Variants in TMEM67 observed in about 807,000 individuals in gnomAD.
The protein encoded by TMEM67 is meckelin.
Under a neutral mutation model 136.6 loss-of-function variants are expected in TMEM67, and 124 were observed. That is an observed-to-expected ratio of 0.91 (90% CI 0.78 to 1.05). TMEM67 has a LOEUF of 1.05. TMEM67 is among the 50% of genes least tolerant of loss of function. The pLI is 0.00. For missense variants in TMEM67, 1,107 were observed against 1,178.4 expected, an observed-to-expected ratio of 0.94 and a Z score of 0.89; for synonymous variants, 364 against 390.5, an observed-to-expected ratio of 0.93 and a Z score of 0.80.
At chr8:93,825,824 T>C in the TMEM67 span, among the ~76,000 whole-genome samples, 1 of 152,222 alleles carries the variant, frequency 6.6e-6, no homozygotes. Flanking sequence ...AGAGGTTATC[T>C]CTCTTGGGGG....
intron 26 of TMEM67, among the ~76,000 whole-genome samples, chr8:93,814,135 C>CTTTTTTTTTT: frequency 1.6e-5 from 1 of 60,780 alleles, no homozygotes; most frequent in Non-Finnish European, 3.4e-5. Flanking sequence ...TATATGTATA[C>CTTTTTTTTTT]TTTTTTTTTT....
At chr8:93,804,117 G>A (rs1023892924) in intron 22 of TMEM67, among the ~76,000 whole-genome samples, 1 of 151,634 alleles carries the variant, frequency 6.6e-6, no homozygotes. Context: ...CTGACCTCAG[G>A]TGATCCAGCC....
the TMEM67 span, among the ~76,000 whole-genome samples, chr8:93,826,376 G>T: frequency 8.6e-5 from 13 of 151,880 alleles, no homozygotes; most frequent in Non-Finnish European, 1.5e-5. Context: ...TGATCCGCCC[G>T]CCTCGGCTTC....
rs1243123618 is a variant in TMEM67, at chr8:93,795,462, T to C, written c.1728T>C (p.Phe576=). 6.2e-7 allele frequency: 1 copy of C among 1,614,114 alleles called. No individual in the cohort carries two copies. Among genetic ancestry groups the C allele is most frequent in the East Asian group, 2.2e-5 (1 of 44,866 alleles). The change falls in exon 17 of 28, where the codon TTT becomes TTC. Residue 576 remains phenylalanine, a synonymous_variant. Transcript: ENST00000453321. ...CTGGTGATCTGGCCAATGTTTTCTTTATCATCACAGTGGGAACAGGTCTTT... is the reference window on the plus strand; with the variant it reads ...CTGGTGATCTGGCCAATGTTTTCTTCATCATCACAGTGGGAACAGGTCTTT... ...YYAGDLANVF[F]IITVGTGLYW...
intron 13 of TMEM67, among the ~76,000 whole-genome samples, chr8:93,787,447 T>A (rs1814164300): frequency 6.6e-6 from 1 of 152,344 alleles, no homozygotes; most frequent in Non-Finnish European, 1.5e-5. Context: ...CTTTCTCTTT[T>A]GAAAATCAAG....
At chr8:93,785,741 C>T in intron 12 of TMEM67, 1 of 208,716 alleles carries the variant, frequency 4.8e-6, no homozygotes, top group South Asian at 9.7e-5. Context: ...AGGTAATTTG[C>T]AGGGGAAAGC....
chr8:93,788,423 C>T (rs1047744789), intron 14 of TMEM67, among the ~76,000 whole-genome samples: 1 of 152,212 alleles, frequency 6.6e-6, no homozygotes, highest in East Asian at 1.9e-4. Flanking sequence ...ATTAGCCAGG[C>T]GTGGTGGCGC....
At position 93,793,293 on chromosome 8, in the gene TMEM67, A is replaced by G. The variant is rs375402551; in HGVS notation, c.1671A>G (p.Leu557=). 14 of 1,611,306 alleles carry G rather than the reference A, an allele frequency of 8.7e-6. No individual in the cohort carries two copies. The highest frequency in any genetic ancestry group is 1.1e-5 in the Non-Finnish European group (13 of 1,177,562). The stretch of plus-strand genomic sequence containing the variant: ...GCATTGGGAGTCCCATGATTGATTT[A>G]CAGGTATAATCTCAGGAGTTTTTTA... The part of the protein sequence containing the change: ...KRRIGSPMID[L]QTVVKFLVYY... Residue 557 remains leucine, a synonymous_variant, in exon 16 of 28, where the codon TTA becomes TTG. Coordinates refer to ENST00000453321, the MANE Select transcript of TMEM67 (RefSeq NM_153704.6).
chr8:93,793,879 ATTTTTGTTTT>A (rs768517378), intron 16 of TMEM67, among the ~76,000 whole-genome samples: 1 of 150,932 alleles, frequency 6.6e-6, no homozygotes, highest in Non-Finnish European at 1.5e-5. Context: ...TTTTGTTTTC[ATTTTTGTTTT>A]TTTTTGTTGT....
chr8:93,827,949 G>T, the TMEM67 span, among the ~76,000 whole-genome samples: 1 of 151,694 alleles, frequency 6.6e-6, no homozygotes, highest in African/African-American at 2.4e-5. Flanking sequence ...CACACTTTTT[G>T]CCCTTCTGTC....
chr8:93,793,340 C>G, intron 16 of TMEM67, 44 bp downstream of exon 16: 1 of 1,482,260 alleles, frequency 6.7e-7, no homozygotes, highest in South Asian at 1.1e-5. Flanking sequence ...ATCTTTTGAC[C>G]ATTCTGGATC....
At position 93,816,450 on chromosome 8, in the gene TMEM67, TAA is replaced by T; in HGVS notation, c.2987_2988del (p.Ter996SerfsTer3). ...ATTGGTGGATCAAAGATTTTTGATT[TAA>T]CTTCCTGAATAAATAACTTAAAGAC... is the stretch of plus-strand genomic sequence containing the variant. ...KTLVDQRFLI[*>X] On this transcript the variant is annotated frameshift_variant and stop_lost, in exon 28 of 28. Transcript: ENST00000453321. LOFTEE classifies it high-confidence loss of function. 6.4e-7 allele frequency: 1 copy of T among 1,566,338 alleles called. No individual in the cohort carries two copies. The highest frequency in any genetic ancestry group is 8.8e-7 in the Non-Finnish European group (1 of 1,138,290).
At chr8:93,778,131 C>T (rs1456909997) in intron 7 of TMEM67, among the ~76,000 whole-genome samples, 1 of 152,108 alleles carries the variant, frequency 6.6e-6, no homozygotes, top group Admixed American at 6.5e-5. Context: ...CTCTTTTGAT[C>T]TTTGTTGGTT....
chr8:93,762,835 G>A (rs1812910264), intron 3 of TMEM67: 2 of 311,340 alleles, frequency 6.4e-6, no homozygotes, highest in Non-Finnish European at 1.3e-5. Context: ...TGGTATGTTT[G>A]CATAAATGTT....
chr8:93,814,287 C>A (rs1808814662), intron 26 of TMEM67, among the ~76,000 whole-genome samples: 1 of 151,336 alleles, frequency 6.6e-6, no homozygotes, highest in Admixed American at 6.6e-5. Flanking sequence ...CTACAGGCGC[C>A]CGCCACCATG....
chr8:93,795,611 T>C, intron 17 of TMEM67, 104 bp downstream of exon 17: 1 of 1,077,778 alleles, frequency 9.3e-7, no homozygotes, highest in Non-Finnish European at 1.4e-6. Context: ...TGATCAACAG[T>C]ATTAAGAAAA....
chr8:93,816,368 C>T lies in TMEM67; in HGVS notation c.2908-4C>T, dbSNP rs868420118. ...TTTCATTCTGAATTGTTTTAATTTT[C>T]CAGATTTTTAGATATATCCGTAATA... is the stretch of plus-strand genomic sequence containing the variant. On this transcript the variant is annotated splice_polypyrimidine_tract_variant and splice_region_variant and intron_variant, in intron 27 of 27. Coordinates refer to ENST00000453321, the MANE Select transcript of TMEM67 (RefSeq NM_153704.6). 3 of 1,437,584 alleles carry T rather than the reference C, an allele frequency of 2.1e-6. No homozygotes were observed. The highest frequency in any genetic ancestry group is 2.9e-6 in the Non-Finnish European group (3 of 1,035,816). 89.1% of individuals were successfully genotyped at this position (1,437,584 alleles called of 1,614,324 possible). A position where few individuals can be genotyped will look rare whatever the true frequency, so the allele number is the denominator to read the frequency against.
At position 93,804,680 on chromosome 8, in the gene TMEM67, G is replaced by C. The variant is rs920396109; in HGVS notation, c.2323-82G>C. On this transcript the variant is annotated intron_variant, in intron 22 of 27. Coordinates refer to ENST00000453321, the MANE Select transcript of TMEM67 (RefSeq NM_153704.6). ...ACAATCTTCATTATTTTGGGAAAAA[G>C]AAAGCAATTTTAAGGAAAACTTAAT... The C allele has an allele frequency of 1.5e-5, 11 of 743,128 alleles. No individual in the cohort carries two copies. In the African/African-American group the frequency reaches 1.6e-4, roughly 11 times the overall value. 46.0% of individuals were successfully genotyped at this position (743,128 alleles called of 1,614,324 possible). A position where few individuals can be genotyped will look rare whatever the true frequency, so the allele number is the denominator to read the frequency against.
downstream of TMEM67, among the ~76,000 whole-genome samples, chr8:93,821,535 CATT>C (rs1809040929): frequency 1.3e-5 from 2 of 152,316 alleles, no homozygotes; most frequent in South Asian, 4.1e-4. Context: ...CCTCCACCCT[CATT>C]CTCCCAAAGC....
Sources: allele counts gnomAD v4.1 joint callset (sites outside exome capture counted in the v4.1 genomes callset), GRCh38; gene constraint gnomAD v4.1.1; transcripts MANE v1.5; gene names NCBI Gene and HGNC (gene_info 2026-07-23, HGNC 2026-07-21).